COL26A1: variants seen among roughly 807,000 people sequenced by gnomAD.
The protein encoded by COL26A1 is collagen type XXVI alpha 1 chain, also known as collagen alpha-1(XXVI) chain.
Under a neutral mutation model 59.3 loss-of-function variants are expected in COL26A1, and 41 were observed. The ratio of observed to expected loss-of-function variants is 0.69; its 90% CI spans 0.54 to 0.90. The LOEUF (loss-of-function observed/expected upper bound fraction) is 0.90. Ranked by LOEUF, COL26A1 falls within the 40% of genes least tolerant of loss-of-function variation. The probability of loss-of-function intolerance (pLI) is 0.00; values close to 1 mark genes in which losing one functional copy is unlikely to be tolerated. For missense variants in COL26A1, 612 were observed against 602.3 expected, an observed-to-expected ratio of 1.02 and a Z score of -0.17; for synonymous variants, 266 against 256.0, an observed-to-expected ratio of 1.04 and a Z score of -0.37.
rs966600084 is a variant in COL26A1, at chr7:101,362,877, C to A, written c.-156C>A. 2.9e-6 allele frequency: 2 copies of A among 695,120 alleles called. No individual in the cohort carries two copies. Among genetic ancestry groups the A allele is most frequent in the Non-Finnish European group, 4.5e-6 (2 of 446,580 alleles). 43.1% of individuals were successfully genotyped at this position (695,120 alleles called of 1,614,324 possible). A position where few individuals can be genotyped will look rare whatever the true frequency, so the allele number is the denominator to read the frequency against. ...GGCGGCCCCGGAGAGGCGTGGGCGC[C>A]CCCCACACATTTCCAGCTCGCACCC... On this transcript the variant is annotated 5_prime_UTR_variant, in exon 1 of 13. Coordinates refer to ENST00000313669, the MANE Select transcript of COL26A1 (RefSeq NM_001278563.3).
rs1792646701 is a variant in COL26A1 at position 101,426,318 on chromosome 7, A to AATGACGTT, written c.281+6221_281+6228dup. On this transcript the variant is annotated intron_variant, in intron 2 of 12. Coordinates refer to ENST00000313669, the MANE Select transcript of COL26A1 (RefSeq NM_001278563.3). ...CATAATGGCTTGTGTCATCACTATAAATGACGTTACCAAAAGAAGCTTCAA... is the reference window on the plus strand; with the variant it reads ...CATAATGGCTTGTGTCATCACTATAAATGACGTTATGACGTTACCAAAAGAAGCTTCAA... 2.6e-5 allele frequency among the ~76,000 whole-genome samples: 4 copies of AATGACGTT among 152,130 alleles called. No homozygotes were observed. The South Asian group carries it at 8.3e-4, about 32-fold the overall frequency.
chr7:101,425,694 G>T (rs1404960355), intron 2 of COL26A1, among the ~76,000 whole-genome samples: 1 of 151,874 alleles, frequency 6.6e-6, no homozygotes, highest in Non-Finnish European at 1.5e-5. Flanking sequence ...GTGGAAATGG[G>T]GTTTCACCAT....
intron 3 of COL26A1, among the ~76,000 whole-genome samples, chr7:101,518,668 C>T (rs1795080221): frequency 6.6e-6 from 1 of 152,188 alleles, no homozygotes; most frequent in African/African-American, 2.4e-5. Flanking sequence ...CAATGCGATC[C>T]TCAGAAATCC....
chr7:101,468,172 G>T (rs902695240), intron 3 of COL26A1, among the ~76,000 whole-genome samples: 1 of 151,746 alleles, frequency 6.6e-6, no homozygotes, highest in African/African-American at 2.4e-5. Flanking sequence ...GCATGGTGGT[G>T]CACGCCTGTA....
intron 1 of COL26A1, among the ~76,000 whole-genome samples, chr7:101,407,122 G>A (rs1439394502): frequency 6.6e-6 from 1 of 152,058 alleles, no homozygotes; most frequent in African/African-American, 2.4e-5. Context: ...CACCCACTGT[G>A]GGCAGCCCAT....
At chr7:101,363,554 G>A (rs71559409) in intron 1 of COL26A1, among the ~76,000 whole-genome samples, 1 of 125,152 alleles carries the variant, frequency 8.0e-6, no homozygotes, top group Non-Finnish European at 1.7e-5. Flanking sequence ...GGGGGTTGGG[G>A]GCTGCAGACG....
chr7:101,550,615 T>C, intron 9 of COL26A1, among the ~76,000 whole-genome samples: 1 of 152,106 alleles, frequency 6.6e-6, no homozygotes, highest in Non-Finnish European at 1.5e-5. Flanking sequence ...CAGGGAGGCA[T>C]TTCCTGAGAA....
Position 101,557,542 on chromosome 7 carries a change from TCCAGGACAC to T in COL26A1, c.*15_*23del. ...GCAGCAGGAAGTGAGAGCCCACTGC[TCCAGGACAC>T]CCTGTCCTGGCTAGAGACCCAGCCC... On this transcript the variant is annotated 3_prime_UTR_variant, in exon 13 of 13. Transcript: ENST00000313669. The T allele has an allele frequency of 6.2e-7, 1 of 1,600,076 alleles. No individual in the cohort carries two copies. The highest frequency in any genetic ancestry group is 8.5e-7 in the Non-Finnish European group (1 of 1,170,754).
At chr7:101,374,937 T>C (rs1791276704) in intron 1 of COL26A1, among the ~76,000 whole-genome samples, 1 of 151,960 alleles carries the variant, frequency 6.6e-6, no homozygotes, top group African/African-American at 2.4e-5. Context: ...GGCGGGCACC[T>C]GTAATTCCAG....
intron 1 of COL26A1, among the ~76,000 whole-genome samples, chr7:101,406,975 A>G (rs536995608): frequency 6.6e-6 from 1 of 152,016 alleles, no homozygotes; most frequent in Non-Finnish European, 1.5e-5. Flanking sequence ...AGAAAACCTC[A>G]TCCTACTTTC....
chr7:101,416,357 A>G lies in COL26A1; in HGVS notation c.159-3620A>G, dbSNP rs138374932. On this transcript the variant is annotated intron_variant, in intron 1 of 12. Transcript: ENST00000313669. ...TGGTGAGCCATGATCATGCCACTAC[A>G]CTCCTGACCTCAAGTGATCCACCCA... Among the ~76,000 whole-genome samples the G allele has an allele frequency of 2.6e-3, 372 of 142,562 alleles. 19 individuals carry two copies. Among genetic ancestry groups the G allele is most frequent in the African/African-American group, 8.7e-3 (350 of 40,440 alleles). The allele number at this position is 142,562 out of a possible 152,430, so 93.5% of individuals were successfully genotyped here. A position where few individuals can be genotyped will look rare whatever the true frequency, so the allele number is the denominator to read the frequency against.
At chr7:101,383,901 C>T (rs112631982) in intron 1 of COL26A1, among the ~76,000 whole-genome samples, 5 of 152,220 alleles carry the variant, frequency 3.3e-5, no homozygotes, top group Admixed American at 2.0e-4. Context: ...AACTCTTGAC[C>T]TCAGCTGATC....
rs530076773 is a variant in COL26A1, at chr7:101,416,904, G to A, written c.159-3073G>A. Reference sequence around the variant, plus strand: ...ACAGGCATGTCAGGGACCATGCCTGGCTAATTTTTGTATATTTTTGTAGAT... The same window carrying A: ...ACAGGCATGTCAGGGACCATGCCTGACTAATTTTTGTATATTTTTGTAGAT... On this transcript the variant is annotated intron_variant, in intron 1 of 12. Transcript: ENST00000313669. 7.4e-4 allele frequency among the ~76,000 whole-genome samples: 93 copies of A among 126,116 alleles called. 3 individuals are homozygous for A. The highest frequency in any genetic ancestry group is 2.4e-3 in the African/African-American group (91 of 38,206). The allele number at this position is 126,116 out of a possible 152,430, so 82.7% of individuals were successfully genotyped here.
rs1456529021 is a variant in COL26A1, at chr7:101,549,173, C to T, written c.943C>T (p.Pro315Ser). 3 of 1,587,572 alleles carry T rather than the reference C, an allele frequency of 1.9e-6. No individual in the cohort carries two copies. The highest frequency in any genetic ancestry group is 2.6e-6 in the Non-Finnish European group (3 of 1,167,674). Reference protein sequence around the residue: ...GPRGPPGPPGPPGPRGPPGPP... With the variant: ...GPRGPPGPPGSPGPRGPPGPP... Reference sequence around the variant, plus strand: ...ACCATCTGTGACTCTGCCCACAGGTCCCCCTGGGCCTCGAGGTCCCCCAGG... The same window carrying T: ...ACCATCTGTGACTCTGCCCACAGGTTCCCCTGGGCCTCGAGGTCCCCCAGG... Residue 315 changes from proline (P) to serine (S), a missense_variant and splice_region_variant, in exon 9 of 13, where the codon CCC becomes TCC. By Grantham distance (74) the Pro-to-Ser change is moderately conservative. Coordinates refer to ENST00000313669, the MANE Select transcript of COL26A1 (RefSeq NM_001278563.3).
intron 2 of COL26A1, among the ~76,000 whole-genome samples, chr7:101,445,653 AC>A (rs1793170925): frequency 1.4e-5 from 2 of 143,606 alleles, no homozygotes; most frequent in Non-Finnish European, 3.0e-5. Flanking sequence ...AATGGCGTGA[AC>A]CCGGGAGGCG....
intron 3 of COL26A1, among the ~76,000 whole-genome samples, chr7:101,503,766 A>G (rs1794751312): frequency 6.6e-6 from 1 of 152,178 alleles, no homozygotes; most frequent in Non-Finnish European, 1.5e-5. Context: ...AAGGTGCTGG[A>G]ACTTTTGTTT....
At chr7:101,386,490 C>T (rs1489667661) in intron 1 of COL26A1, among the ~76,000 whole-genome samples, 1 of 152,124 alleles carries the variant, frequency 6.6e-6, no homozygotes. Context: ...GTGCACCGCA[C>T]CTGGCCCTGG....
chr7:101,552,092 C>T (rs1795874844), intron 10 of COL26A1, among the ~76,000 whole-genome samples: 1 of 152,214 alleles, frequency 6.6e-6, no homozygotes, highest in South Asian at 2.1e-4. Flanking sequence ...TGCCTCCTCC[C>T]GTGCTTGTCT....
chr7:101,537,468 A>ACGCC (rs2130648657), intron 4 of COL26A1, among the ~76,000 whole-genome samples: 1 of 152,294 alleles, frequency 6.6e-6, no homozygotes, highest in African/African-American at 2.4e-5. Context: ...TCTTGGCCCC[A>ACGCC]CGCCCATGGC....
Sources: gnomAD v4.1 joint callset for allele counts (sites outside exome capture counted in the v4.1 genomes callset) on GRCh38, gnomAD v4.1.1 for gene constraint, MANE v1.5 for transcripts, NCBI Gene and HGNC (gene_info 2026-07-23, HGNC 2026-07-21) for gene names.